Variants in VWA5A observed in about 807,000 individuals in gnomAD.
VWA5A encodes von Willebrand factor A domain-containing protein 5A.
Under a neutral mutation model 84.6 loss-of-function variants are expected in VWA5A, and 77 were observed. The ratio of observed to expected loss-of-function variants is 0.91; its 90% confidence interval spans 0.76 to 1.10. The LOEUF is 1.10. VWA5A is among the 50% of genes least tolerant of loss of function. The pLI, the probability that VWA5A is intolerant of heterozygous loss-of-function variation, is 0.00. For missense variants in VWA5A, 973 were observed against 963.0 expected (o/e 1.01, Z -0.14); for synonymous variants, 334 against 350.1 (o/e 0.95, Z 0.51).
Position 124,146,020 on chromosome 11 carries a change from T to C in VWA5A, c.*75T>C. 6.9e-7 allele frequency: 1 copy of C among 1,443,228 alleles called. No individual in the cohort carries two copies. Among genetic ancestry groups the C allele is most frequent in the Non-Finnish European group, 9.5e-7 (1 of 1,057,792 alleles). The allele number at this position is 1,443,228 out of a possible 1,614,324, so 89.4% of individuals were successfully genotyped here. On this transcript the variant is annotated 3_prime_UTR_variant, in exon 19 of 19. Transcript: ENST00000456829. ...TCTAGTATCACTTTTGCTGTGATGA[T>C]GTGTTCTTGTGTATTATAACTCTTT...
chr11:124,119,740 A>G (rs1050447992), intron 7 of VWA5A, among the ~76,000 whole-genome samples: 1 of 152,228 alleles, frequency 6.6e-6, no homozygotes, highest in African/African-American at 2.4e-5. Flanking sequence ...AATAGTGTAT[A>G]TTGACAGATT....
chr11:124,134,579 A>G (rs10893151), intron 11 of VWA5A, among the ~76,000 whole-genome samples: 105,210 of 151,968 alleles, frequency 0.69, 37,310 homozygotes, highest in African/African-American at 0.87. Context: ...TTTGCCAGAG[A>G]GATCTTGCAG....
rs900331948 is a variant in VWA5A, at chr11:124,146,811, C to T, written c.*866C>T. On this transcript the variant is annotated 3_prime_UTR_variant, in exon 19 of 19. Coordinates refer to ENST00000456829, the MANE Select transcript of VWA5A (RefSeq NM_001130142.2). ...GTAATCGTTCCTGACCCTTGTGTCT[C>T]ATATACCCTATCCTGGTGGAAATGA... is the stretch of plus-strand genomic sequence containing the variant. The T allele has an allele frequency of 3.9e-5, 6 of 153,292 alleles. No homozygotes were observed. The highest frequency in any genetic ancestry group is 1.4e-4 in the African/African-American group (6 of 41,426). 9.5% of individuals were successfully genotyped at this position (153,292 alleles called of 1,614,324 possible).
Position 124,141,672 on chromosome 11 carries a change from G to A in VWA5A, c.1954G>A (p.Ala652Thr). The A allele has an allele frequency of 6.2e-7, 1 of 1,614,112 alleles. No homozygotes were observed. Among genetic ancestry groups the A allele is most frequent in the South Asian group, 1.1e-5 (1 of 91,064 alleles). The change falls in exon 16 of 19, where the codon GCC (alanine) becomes ACC (threonine). Residue 652 changes from alanine to threonine, a missense_variant. Physicochemically the swap from Ala to Thr is moderately conservative, Grantham distance 58 (BLOSUM62 0). Transcript: ENST00000456829. Reference sequence around the variant, plus strand: ...CAGAGGGGAACTTATGTGTTATAAGGCCAAGACATTCCAGATGGACGATTA... The same window carrying A: ...CAGAGGGGAACTTATGTGTTATAAGACCAAGACATTCCAGATGGACGATTA... The part of the protein sequence containing the change: ...QPRGELMCYK[A>T]KTFQMDDYSL...
Position 124,123,062 on chromosome 11 carries a change from G to T in VWA5A, c.863G>T (p.Arg288Leu). The T allele has an allele frequency of 1.9e-6, 3 of 1,614,004 alleles. No homozygotes were observed. The highest frequency in any genetic ancestry group is 1.7e-4 in the Middle Eastern group (1 of 6,058). The part of the protein sequence containing the change: ...TCGEFIFLMD[R>L]SGSMQSPMSS... ...GGAGAGTTTATCTTTCTCATGGACC[G>T]CTCGGGAAGTATGCAGAGCCCCATG... The change falls in exon 8 of 19, where the codon CGC (arginine) becomes CTC (leucine). Residue 288 changes from arginine (R) to leucine (L), a missense_variant. Transcript: ENST00000456829.
chr11:124,126,811 G>C (rs1377114181), intron 11 of VWA5A, among the ~76,000 whole-genome samples: 1 of 150,700 alleles, frequency 6.6e-6, no homozygotes, highest in Non-Finnish European at 1.5e-5. Flanking sequence ...GGGTCTACCA[G>C]TTGTCAACCT....
At chr11:124,137,309 G>T (rs751137227) in intron 15 of VWA5A, 41 bp downstream of exon 15, 30 of 1,588,252 alleles carry the variant, frequency 1.9e-5, no homozygotes, top group Middle Eastern at 3.5e-4. Context: ...TAGAATAAAA[G>T]ATTCTGACTA....
intron 15 of VWA5A, among the ~76,000 whole-genome samples, chr11:124,139,654 T>C (rs552330533): frequency 6.6e-6 from 1 of 152,018 alleles, no homozygotes. Flanking sequence ...GTCCTTCAAC[T>C]TTGCTGAGTT....
intron 15 of VWA5A, among the ~76,000 whole-genome samples, chr11:124,139,275 T>G (rs1471731760): frequency 6.6e-6 from 1 of 150,840 alleles, no homozygotes; most frequent in Non-Finnish European, 1.5e-5. Context: ...AAGGTTACTT[T>G]GACTATGTTT....
Position 124,124,271 on chromosome 11 carries a change from C to T in VWA5A, c.1199C>T (p.Thr400Met), listed in dbSNP as rs144292725. ...TTTACAGATGGAGAAGTTACAGACA[C>T]GTTTAGTGTAATTAAAGAAGTTAGG... is the stretch of plus-strand genomic sequence containing the variant. ...FVFTDGEVTD[T>M]FSVIKEVRIN... Residue 400 changes from threonine (T) to methionine (M), a missense_variant, in exon 11 of 19, where the codon ACG becomes ATG. By Grantham distance (81) the Thr-to-Met change is moderately conservative (BLOSUM62 -1). Transcript: ENST00000456829. 2.5e-4 allele frequency: 408 copies of T among 1,613,792 alleles called. No individual in the cohort carries two copies. The highest frequency in any genetic ancestry group is 3.2e-4 in the Non-Finnish European group (383 of 1,179,948).
chr11:124,137,522 C>T lies in VWA5A; in HGVS notation c.1879+254C>T, dbSNP rs113042299. ...TTAAAATGTAGAAAGTGCAGGTAAACCCTGAGTAACCAAACTGCCTAATCT... is the reference window on the plus strand; with the variant it reads ...TTAAAATGTAGAAAGTGCAGGTAAATCCTGAGTAACCAAACTGCCTAATCT... On this transcript the variant is annotated intron_variant, in intron 15 of 18. Coordinates refer to ENST00000456829, the MANE Select transcript of VWA5A (RefSeq NM_001130142.2). 1.0e-3 allele frequency among the ~76,000 whole-genome samples: 153 copies of T among 152,256 alleles called. 2 individuals carry two copies. Among genetic ancestry groups the T allele is most frequent in the African/African-American group, 3.5e-3 (144 of 41,556 alleles).
At chr11:124,142,020 C>T (rs577903503) in intron 16 of VWA5A, among the ~76,000 whole-genome samples, 1 of 152,290 alleles carries the variant, frequency 6.6e-6, no homozygotes, top group African/African-American at 2.4e-5. Flanking sequence ...CCCAGGAGTT[C>T]ATCTGTTTGA....
In VWA5A at chr11:124,133,083, T is replaced by C. The variant is rs115656631; in HGVS notation, c.1245-1837T>C. 3.1e-3 allele frequency among the ~76,000 whole-genome samples: 475 copies of C among 152,324 alleles called. 2 individuals are homozygous for C. Among genetic ancestry groups the C allele is most frequent in the African/African-American group, 0.011 (444 of 41,580 alleles). ...TTGTCAAAGAAAAAATTATAGAAAT[T>C]AGATGTTCCTCTAGATGATGTCTTC... On this transcript the variant is annotated intron_variant, in intron 11 of 18. Transcript: ENST00000456829.
intron 11 of VWA5A, among the ~76,000 whole-genome samples, chr11:124,134,049 T>C (rs930621664): frequency 6.6e-6 from 1 of 152,220 alleles, no homozygotes; most frequent in Non-Finnish European, 1.5e-5. Flanking sequence ...CAAAAGACCT[T>C]AAAAATATAA....
At position 124,142,575 on chromosome 11, in the gene VWA5A, A is replaced by G; in HGVS notation, c.2154+3A>G. The G allele has an allele frequency of 6.2e-7, 1 of 1,614,106 alleles. No homozygotes were observed. Among genetic ancestry groups the G allele is most frequent in the Non-Finnish European group, 8.5e-7 (1 of 1,179,988 alleles). On this transcript the variant is annotated splice_donor_region_variant and intron_variant, in intron 17 of 18. Transcript: ENST00000456829. ...TAATGGCTGCACAGCCTGCCGAGGT[A>G]AGATTCAATGGAAAAAGGAGTATGT...
At chr11:124,122,827 G>T in intron 7 of VWA5A, 133 bp from the exon 8 acceptor site, 1 of 848,510 alleles carries the variant, frequency 1.2e-6, no homozygotes, top group African/African-American at 1.7e-5. Context: ...AAGCAGTTAT[G>T]GTACATGAAT....
chr11:124,130,106 T>C (rs1447221041), intron 11 of VWA5A, among the ~76,000 whole-genome samples: 1 of 152,242 alleles, frequency 6.6e-6, no homozygotes, highest in Admixed American at 6.5e-5. Flanking sequence ...TGCTTTGTTC[T>C]GTGGGCATTT....
At chr11:124,128,251 A>G (rs1040412030) in intron 11 of VWA5A, among the ~76,000 whole-genome samples, 1 of 152,166 alleles carries the variant, frequency 6.6e-6, no homozygotes, top group African/African-American at 2.4e-5. Flanking sequence ...TTTTCCCAAC[A>G]CCATTTATTA....
At position 124,123,393 on chromosome 11, in the gene VWA5A, T is replaced by G; in HGVS notation, c.958T>G (p.Leu320Val). 1 of 1,613,886 alleles carries G rather than the reference T, an allele frequency of 6.2e-7. No homozygotes were observed. Among genetic ancestry groups the G allele is most frequent in the Non-Finnish European group, 8.5e-7 (1 of 1,179,972 alleles). The part of the protein sequence containing the change: ...KETLILLLKS[L>V]PIGCYFNIYG... The stretch of plus-strand genomic sequence containing the variant: ...AACACTGATTTTGCTGCTGAAGAGT[T>G]TACCTATAGGCTGTTATTTCAACAT... The change falls in exon 9 of 19, where the codon TTA becomes GTA. Residue 320 changes from leucine to valine, a missense_variant. Physicochemically the swap from Leu to Val is conservative, Grantham distance 32 (BLOSUM62 1). Transcript: ENST00000456829.
Sources: allele counts gnomAD v4.1 joint callset (sites outside exome capture counted in the v4.1 genomes callset), GRCh38; gene constraint gnomAD v4.1.1; transcripts MANE v1.5; gene names NCBI Gene and HGNC (gene_info 2026-07-23, HGNC 2026-07-21).